Variants in EDA observed in about 807,000 individuals in gnomAD.
The protein encoded by EDA is ectodysplasin A, also known as ectodysplasin-A.
A neutral mutation model predicts 23.6 loss-of-function variants in EDA; 2 were observed. The observed-to-expected ratio is 0.08, with a 90% confidence interval of 0.03 to 0.27. The LOEUF (loss-of-function observed/expected upper bound fraction) is 0.27. Among genes scored for constraint, EDA ranks in the 10% least tolerant of loss-of-function variants. The probability of loss-of-function intolerance (pLI) is 1.00; values close to 1 mark genes in which losing one functional copy is unlikely to be tolerated. For synonymous variants in EDA, 131 were observed against 132.0 expected (o/e 0.99, Z 0.05); for missense variants, 229 against 324.2 (o/e 0.71, Z 2.26).
intron 1 of EDA, among the ~76,000 whole-genome samples, chrX:69,780,660 G>A (rs192469072): frequency 3.6e-5 from 4 of 110,679 alleles, no homozygotes; most frequent in East Asian, 2.8e-4. Context: ...TGCTATTCTC[G>A]TGATAGTGAG....
intron 1 of EDA, among the ~76,000 whole-genome samples, chrX:69,817,338 CATA>C (rs201443866): frequency 0.01 from 1,129 of 111,489 alleles, 13 homozygotes; most frequent in African/African-American, 0.036. Flanking sequence ...CAGCTAGCAT[CATA>C]ATGACAGGAT....
chrX:69,751,756 G>C (rs142713302), intron 1 of EDA, among the ~76,000 whole-genome samples: 1 of 110,894 alleles, frequency 9.0e-6, no homozygotes, highest in Non-Finnish European at 1.9e-5. Context: ...CTTGTAAGTC[G>C]GATTCCTAGG....
At chrX:69,804,599 G>A (rs1569338149) in intron 1 of EDA, among the ~76,000 whole-genome samples, 2 of 109,964 alleles carry the variant, frequency 1.8e-5, no homozygotes, top group Non-Finnish European at 3.8e-5. Context: ...AGGTTTGTTA[G>A]ATACTAGATT....
intron 1 of EDA, among the ~76,000 whole-genome samples, chrX:69,856,254 GGTGTGTGTGTGTGTGT>G (rs202079519): frequency 5.3e-4 from 40 of 74,936 alleles, no homozygotes; most frequent in Admixed American, 3.0e-3. Context: ...AGTATTCCAT[GGTGTGTGTGTGTGTGT>G]GTGTGTGTGT....
rs1555978649 is a variant in EDA at position 69,662,354 on chromosome X, T to TG, written c.396+45650_396+45651insG. On this transcript the variant is annotated intron_variant, in intron 1 of 7. Coordinates refer to ENST00000374552, the MANE Select transcript of EDA (RefSeq NM_001399.5). ...GGTCTTTCCTGTGCTGTTCTCATGATAGTGAGTTCTCATGAGATCTGATGG... is the reference window on the plus strand; with the variant it reads ...GGTCTTTCCTGTGCTGTTCTCATGATGAGTGAGTTCTCATGAGATCTGATGG... Among the ~76,000 whole-genome samples the TG allele has an allele frequency of 8.3e-5, 9 of 108,583 alleles. No individual in the cohort carries two copies. The Admixed American group carries it at 9.0e-4, about 11-fold the overall frequency. The allele number at this position is 108,583 out of a possible 115,157, so 94.3% of individuals were successfully genotyped here.
intron 1 of EDA, among the ~76,000 whole-genome samples, chrX:69,804,583 A>G (rs2015770763): frequency 9.1e-6 from 1 of 110,486 alleles, no homozygotes; most frequent in African/African-American, 3.3e-5. Context: ...GAAATGCTCA[A>G]TAATGAGGTT....
intron 1 of EDA, among the ~76,000 whole-genome samples, chrX:69,922,162 A>G (rs752493961): frequency 8.9e-6 from 1 of 112,391 alleles, no homozygotes; most frequent in Non-Finnish European, 1.9e-5. Context: ...GCTGAATAGA[A>G]TTCTATTATA....
chrX:69,627,410 TATCATACAG>T (rs775611800), intron 1 of EDA, among the ~76,000 whole-genome samples: 1 of 111,427 alleles, frequency 9.0e-6, no homozygotes, highest in East Asian at 2.8e-4. Flanking sequence ...GGTTAAAATA[TATCATACAG>T]ATCATCCGTG....
At chrX:69,802,363 C>A (rs2015711675) in intron 1 of EDA, among the ~76,000 whole-genome samples, 1 of 108,451 alleles carries the variant, frequency 9.2e-6, no homozygotes, top group African/African-American at 3.3e-5. Flanking sequence ...ATGTAGTATA[C>A]TTATAAGTAT....
At chrX:69,864,706 C>T (rs772635073) in intron 1 of EDA, among the ~76,000 whole-genome samples, 1 of 112,045 alleles carries the variant, frequency 8.9e-6, no homozygotes, top group South Asian at 3.7e-4. Context: ...AAATCAAAAA[C>T]ATGGCCAGGC....
intron 1 of EDA, among the ~76,000 whole-genome samples, chrX:69,737,095 A>C (rs2013291607): frequency 9.0e-6 from 1 of 110,957 alleles, no homozygotes; most frequent in Admixed American, 9.6e-5. Flanking sequence ...CTTGACCAAA[A>C]CTGGAATTCA....
At chrX:69,777,601 A>T (rs1219199121) in intron 1 of EDA, among the ~76,000 whole-genome samples, 1 of 110,798 alleles carries the variant, frequency 9.0e-6, no homozygotes, top group Non-Finnish European at 1.9e-5. Flanking sequence ...TATCCTTTTC[A>T]CTGTGATCTT....
At chrX:69,966,382 C>T (rs897783723) in intron 2 of EDA, among the ~76,000 whole-genome samples, 21 of 110,597 alleles carry the variant, frequency 1.9e-4, no homozygotes, top group African/African-American at 6.9e-4. Context: ...GAGTTCGAGA[C>T]CAGCCTGGCT....
At chrX:69,989,633 A>G (rs2147463910) in intron 2 of EDA, among the ~76,000 whole-genome samples, 1 of 111,689 alleles carries the variant, frequency 9.0e-6, no homozygotes, top group Admixed American at 9.6e-5. Flanking sequence ...CTCCTGAAAC[A>G]CAGAAATATA....
chrX:69,708,945 G>A (rs2011853564), intron 1 of EDA, among the ~76,000 whole-genome samples: 1 of 110,989 alleles, frequency 9.0e-6, no homozygotes, highest in Non-Finnish European at 1.9e-5. Context: ...CAGATAATTG[G>A]GAGAAGAACC....
intron 2 of EDA, among the ~76,000 whole-genome samples, chrX:69,964,326 G>A (rs2019145096): frequency 9.0e-6 from 1 of 110,992 alleles, no homozygotes; most frequent in African/African-American, 3.3e-5. Flanking sequence ...ATACTCCTGG[G>A]AATTCTGACC....
chrX:69,718,218 A>G (rs1048990149), intron 1 of EDA, among the ~76,000 whole-genome samples: 2 of 112,107 alleles, frequency 1.8e-5, no homozygotes, highest in African/African-American at 3.2e-5. Flanking sequence ...TTTCCTTGGG[A>G]TCTTCAACGT....
chrX:69,800,662 G>A (rs1260859884), intron 1 of EDA, among the ~76,000 whole-genome samples: 1 of 111,629 alleles, frequency 9.0e-6, no homozygotes, highest in Non-Finnish European at 1.9e-5. Context: ...ACTTCTATCA[G>A]CCACCAATAT....
chrX:69,763,357 C>T (rs774147430), intron 1 of EDA, among the ~76,000 whole-genome samples: 3 of 111,555 alleles, frequency 2.7e-5, no homozygotes, highest in African/African-American at 9.8e-5. Context: ...ATTACAGGAA[C>T]ATACATTTGG....
Sources: allele counts gnomAD v4.1 joint callset (sites outside exome capture counted in the v4.1 genomes callset), GRCh38; gene constraint gnomAD v4.1.1; transcripts MANE v1.5; gene names NCBI Gene and HGNC (gene_info 2026-07-23, HGNC 2026-07-21).